LUZP2: variants seen among roughly 807,000 people sequenced by gnomAD.
LUZP2 encodes the protein leucine zipper protein 2.
LUZP2 carries 52 observed loss-of-function variants against 51.6 expected under a neutral mutation model. That is an observed-to-expected ratio of 1.01 (90% confidence interval 0.81 to 1.27). The LOEUF (loss-of-function observed/expected upper bound fraction) is 1.27. Ranked by LOEUF, LUZP2 falls within the 50% of genes most tolerant of loss-of-function variation. The pLI, the probability that LUZP2 is intolerant of heterozygous loss-of-function variation, is 0.00. For missense variants in LUZP2, 436 were observed against 395.4 expected, an observed-to-expected ratio of 1.10 and a Z score of -0.87; for synonymous variants, 154 against 137.3, an observed-to-expected ratio of 1.12 and a Z score of -0.85.
At position 24,854,487 on chromosome 11, in the gene LUZP2, C is replaced by A. The variant is rs192967302; in HGVS notation, c.397-51504C>A. ...GCCCCTTCCATCAAGCTTGAGCATA[C>A]CAGGTTGTCTTCAGACTGTTGTGCT... On this transcript the variant is annotated intron_variant, in intron 5 of 11. Coordinates refer to ENST00000336930, the MANE Select transcript of LUZP2 (RefSeq NM_001009909.4). Among the ~76,000 whole-genome samples, 171 of 152,276 alleles carry A rather than the reference C, an allele frequency of 1.1e-3. 1 individual carries two copies. The highest frequency in any genetic ancestry group is 1.4e-3 in the East Asian group (7 of 5,168).
chr11:25,033,401 A>G (rs1280952057), intron 9 of LUZP2, among the ~76,000 whole-genome samples: 1 of 147,012 alleles, frequency 6.8e-6, no homozygotes, highest in Admixed American at 7.1e-5. Context: ...ATAAAAATAA[A>G]CATGTTAGAA....
chr11:24,959,560 A>G (rs1285383797), intron 7 of LUZP2, among the ~76,000 whole-genome samples: 6 of 151,932 alleles, frequency 3.9e-5, no homozygotes, highest in Non-Finnish European at 7.4e-5. Context: ...TTTGTCTGTT[A>G]TTGGTGTATA....
intron 9 of LUZP2, among the ~76,000 whole-genome samples, chr11:25,034,200 A>G (rs1472652590): frequency 6.6e-6 from 1 of 151,902 alleles, no homozygotes; most frequent in Non-Finnish European, 1.5e-5. Flanking sequence ...TTTTTTTCAT[A>G]TGTTTGTTGG....
intron 7 of LUZP2, among the ~76,000 whole-genome samples, chr11:24,949,609 T>C (rs1312966252): frequency 6.6e-6 from 1 of 151,544 alleles, no homozygotes; most frequent in African/African-American, 2.4e-5. Flanking sequence ...TTATCTTCAA[T>C]ACAAACTGTA....
chr11:25,018,218 G>C (rs1421582542), intron 9 of LUZP2, among the ~76,000 whole-genome samples: 1 of 152,000 alleles, frequency 6.6e-6, no homozygotes, highest in Non-Finnish European at 1.5e-5. Flanking sequence ...GGCATCTTTA[G>C]GATATTCTAG....
At chr11:24,926,509 G>A (rs1266292554) in intron 7 of LUZP2, among the ~76,000 whole-genome samples, 11 of 138,016 alleles carry the variant, frequency 8.0e-5, no homozygotes, top group African/African-American at 1.9e-4. Flanking sequence ...ATATGTGTGT[G>A]TATATACGTG....
At chr11:24,506,784 A>T (rs1051025148) in intron 1 of LUZP2, among the ~76,000 whole-genome samples, 1 of 152,040 alleles carries the variant, frequency 6.6e-6, no homozygotes, top group African/African-American at 2.4e-5. Context: ...TCATTAAATG[A>T]CTATCCCATA....
intron 7 of LUZP2, among the ~76,000 whole-genome samples, chr11:24,925,333 T>C (rs1376429241): frequency 1.3e-5 from 2 of 152,178 alleles, no homozygotes; most frequent in Non-Finnish European, 2.9e-5. Context: ...AATTTAGGAA[T>C]GCCCTTGGCC....
At chr11:24,768,206 T>A (rs1393439498) in intron 5 of LUZP2, among the ~76,000 whole-genome samples, 1 of 152,100 alleles carries the variant, frequency 6.6e-6, no homozygotes, top group Non-Finnish European at 1.5e-5. Flanking sequence ...CCATCTCAGC[T>A]CACTGCAACC....
chr11:24,989,843 C>A lies in LUZP2; in HGVS notation c.765+6550C>A, dbSNP rs138135007. 2.0e-4 allele frequency among the ~76,000 whole-genome samples: 31 copies of A among 152,222 alleles called. No individual in the cohort carries two copies. The East Asian group carries it at 5.8e-3, about 29-fold the overall frequency. On this transcript the variant is annotated intron_variant, in intron 9 of 11. Coordinates refer to ENST00000336930, the MANE Select transcript of LUZP2 (RefSeq NM_001009909.4). ...CAACTAATAGAAAACAAGATTTAAA[C>A]TAAGGTCTGGTAGTTCTAAAATCAG...
chr11:24,551,953 A>C (rs888603890), intron 1 of LUZP2, among the ~76,000 whole-genome samples: 1 of 151,962 alleles, frequency 6.6e-6, no homozygotes, highest in Non-Finnish European at 1.5e-5. Context: ...CAACTACAAC[A>C]TAAACAAAAC....
chr11:24,637,289 T>A (rs1378376308), intron 1 of LUZP2, among the ~76,000 whole-genome samples: 1 of 151,836 alleles, frequency 6.6e-6, no homozygotes, highest in Non-Finnish European at 1.5e-5. Context: ...TTCTTATGTC[T>A]GTCTTTAATC....
At chr11:24,921,517 C>G (rs1167863826) in intron 7 of LUZP2, among the ~76,000 whole-genome samples, 1 of 152,096 alleles carries the variant, frequency 6.6e-6, no homozygotes, top group Non-Finnish European at 1.5e-5. Context: ...GACCTACTTT[C>G]TAATCGCCGG....
intron 1 of LUZP2, among the ~76,000 whole-genome samples, chr11:24,689,608 C>T (rs1163139205): frequency 6.6e-6 from 1 of 152,130 alleles, no homozygotes; most frequent in Non-Finnish European, 1.5e-5. Flanking sequence ...CCTGACATTC[C>T]TGAGACTGGG....
chr11:24,708,661 C>T (rs1335232149), intron 1 of LUZP2, among the ~76,000 whole-genome samples: 1 of 152,156 alleles, frequency 6.6e-6, no homozygotes, highest in Non-Finnish European at 1.5e-5. Flanking sequence ...CTTGGTTCTT[C>T]ACCCCCACAA....
chr11:24,625,449 T>C (rs922420530), intron 1 of LUZP2, among the ~76,000 whole-genome samples: 4 of 151,938 alleles, frequency 2.6e-5, no homozygotes, highest in African/African-American at 4.8e-5. Flanking sequence ...GTGAAAAATA[T>C]GTTAATTAGC....
At chr11:25,041,125 T>C (rs1858041636) in intron 9 of LUZP2, among the ~76,000 whole-genome samples, 1 of 152,140 alleles carries the variant, frequency 6.6e-6, no homozygotes. Context: ...TGGTTTCAAG[T>C]GGCACAGAAC....
intron 5 of LUZP2, among the ~76,000 whole-genome samples, chr11:24,850,710 C>T (rs918129422): frequency 9.2e-5 from 14 of 152,088 alleles, no homozygotes; most frequent in African/African-American, 3.4e-4. Context: ...TTACTTTGGG[C>T]CATATGTCCA....
At chr11:24,840,439 A>T (rs1850993402) in intron 5 of LUZP2, among the ~76,000 whole-genome samples, 1 of 151,840 alleles carries the variant, frequency 6.6e-6, no homozygotes, top group Admixed American at 6.6e-5. Context: ...TTGGAAAAAA[A>T]AATCTTAATA....
Sources: allele counts gnomAD v4.1 joint callset (sites outside exome capture counted in the v4.1 genomes callset), GRCh38; gene constraint gnomAD v4.1.1; transcripts MANE v1.5; gene names NCBI Gene and HGNC (gene_info 2026-07-23, HGNC 2026-07-21).